BCKDHB: variants seen among roughly 807,000 people sequenced by gnomAD.
The protein encoded by BCKDHB is branched chain keto acid dehydrogenase E1 subunit beta, also known as 2-oxoisovalerate dehydrogenase subunit beta, mitochondrial.
BCKDHB carries 41 observed loss-of-function variants against 48.5 expected under a neutral mutation model. The observed-to-expected ratio is 0.85, with a 90% CI of 0.66 to 1.10. BCKDHB has a LOEUF of 1.10. Ranked by LOEUF, BCKDHB falls within the 50% of genes least tolerant of loss-of-function variation. The pLI, the probability that BCKDHB is intolerant of heterozygous loss-of-function variation, is 0.00. For synonymous variants in BCKDHB, 201 were observed against 174.8 expected (o/e 1.15, Z -1.18); for missense variants, 496 against 494.2 (o/e 1.00, Z -0.03).
chr6:80,339,711 C>G (rs770899375), intron 9 of BCKDHB, among the ~76,000 whole-genome samples: 52 of 152,180 alleles, frequency 3.4e-4, no homozygotes, highest in Non-Finnish European at 6.3e-4. Context: ...ATATCTTAGC[C>G]TACACCTTTC....
intron 1 of BCKDHB, among the ~76,000 whole-genome samples, chr6:80,122,629 G>A (rs919865329): frequency 2.6e-5 from 4 of 152,054 alleles, no homozygotes; most frequent in Admixed American, 6.6e-5. Context: ...AATTGGAGGG[G>A]GTTTAAAACA....
At chr6:80,193,456 C>A (rs763803964) in intron 6 of BCKDHB, among the ~76,000 whole-genome samples, 1 of 152,030 alleles carries the variant, frequency 6.6e-6, no homozygotes, top group Non-Finnish European at 1.5e-5. Flanking sequence ...TGATGGCTCA[C>A]GCCTGTAATC....
chr6:80,208,062 A>C (rs1375427498), intron 8 of BCKDHB, among the ~76,000 whole-genome samples: 2 of 151,812 alleles, frequency 1.3e-5, no homozygotes, highest in African/African-American at 2.4e-5. Flanking sequence ...CATTTGTCAA[A>C]ATTGGCCAAA....
chr6:80,288,615 G>A (rs1445180077), intron 9 of BCKDHB, among the ~76,000 whole-genome samples: 1 of 152,078 alleles, frequency 6.6e-6, no homozygotes, highest in Non-Finnish European at 1.5e-5. Context: ...TTTGCCAACT[G>A]TGTAGATACC....
At chr6:80,288,824 T>C (rs999929529) in intron 9 of BCKDHB, among the ~76,000 whole-genome samples, 3 of 152,156 alleles carry the variant, frequency 2.0e-5, no homozygotes, top group African/African-American at 7.2e-5. Flanking sequence ...TTTTCAGATA[T>C]TACTCTGAGA....
intron 9 of BCKDHB, among the ~76,000 whole-genome samples, chr6:80,310,706 C>T (rs1291472525): frequency 6.6e-6 from 1 of 152,134 alleles, no homozygotes; most frequent in African/African-American, 2.4e-5. Context: ...TGAATTTACA[C>T]TCCCACCAAC....
chr6:80,434,090 T>C, the BCKDHB span, among the ~76,000 whole-genome samples: 1 of 152,118 alleles, frequency 6.6e-6, no homozygotes, highest in Non-Finnish European at 1.5e-5. Flanking sequence ...TTTGGATAGT[T>C]TATATATGTA....
the BCKDHB span, among the ~76,000 whole-genome samples, chr6:80,459,197 C>T: frequency 2.0e-5 from 3 of 152,100 alleles, no homozygotes; most frequent in Non-Finnish European, 4.4e-5. Context: ...CACTGCAGCA[C>T]CATTCACAGT....
the BCKDHB span, among the ~76,000 whole-genome samples, chr6:80,371,834 G>T: frequency 2.0e-5 from 3 of 152,112 alleles, no homozygotes; most frequent in East Asian, 5.8e-4. Flanking sequence ...TGTTCCATTG[G>T]TCTATATACC....
At chr6:80,169,703 C>A in intron 5 of BCKDHB, 2 of 1,000,686 alleles carry the variant, frequency 2.0e-6, no homozygotes, top group South Asian at 1.9e-5. Context: ...TGTAGAAACC[C>A]ATAGATGTGT....
At chr6:80,378,077 G>A in the BCKDHB span, among the ~76,000 whole-genome samples, 2 of 152,038 alleles carry the variant, frequency 1.3e-5, no homozygotes, top group South Asian at 4.1e-4. Flanking sequence ...TTTTGATACT[G>A]TTGTAAATAA....
At chr6:80,261,608 T>C (rs1314171699) in intron 8 of BCKDHB, among the ~76,000 whole-genome samples, 1 of 152,106 alleles carries the variant, frequency 6.6e-6, no homozygotes, top group Non-Finnish European at 1.5e-5. Context: ...AATCCACCAC[T>C]ATCATGGGTC....
the BCKDHB span, among the ~76,000 whole-genome samples, chr6:80,444,413 T>C: frequency 6.6e-6 from 1 of 152,204 alleles, no homozygotes; most frequent in African/African-American, 2.4e-5. Context: ...TTCTTGATAC[T>C]TATTAAAATA....
chr6:80,153,688 T>C (rs1771903871), intron 3 of BCKDHB, among the ~76,000 whole-genome samples: 1 of 152,194 alleles, frequency 6.6e-6, no homozygotes, highest in South Asian at 2.1e-4. Flanking sequence ...ATACATCTTA[T>C]AAAATGCTTT....
chr6:80,295,329 A>G (rs954919432), intron 9 of BCKDHB, among the ~76,000 whole-genome samples: 1 of 152,172 alleles, frequency 6.6e-6, no homozygotes, highest in African/African-American at 2.4e-5. Flanking sequence ...CCTCATAATC[A>G]TGGCAGAAGA....
At chr6:80,355,397 C>G in the BCKDHB span, 1 of 19,438 alleles carries the variant, frequency 5.1e-5, no homozygotes. Flanking sequence ...GAGACTCTGT[C>G]TCAAAAAAAA....
chr6:80,182,408 G>A lies in BCKDHB; in HGVS notation c.742+11018G>A, dbSNP rs143207989. Among the ~76,000 whole-genome samples, 267 of 152,276 alleles carry A rather than the reference G, an allele frequency of 1.8e-3. 1 individual carries two copies. Among genetic ancestry groups the A allele is most frequent in the African/African-American group, 6.1e-3 (252 of 41,572 alleles). On this transcript the variant is annotated intron_variant, in intron 6 of 9. Coordinates refer to ENST00000320393, the MANE Select transcript of BCKDHB (RefSeq NM_183050.4). ...TTCACTTTTCAGGCTAAGTTTGACC[G>A]TAAGCAGATATCTATTTTTGATCAT...
intron 3 of BCKDHB, among the ~76,000 whole-genome samples, chr6:80,164,151 C>T (rs761924249): frequency 6.6e-6 from 1 of 152,148 alleles, no homozygotes; most frequent in Non-Finnish European, 1.5e-5. Flanking sequence ...GACTCGCTCT[C>T]ACAGTAAAAG....
At chr6:80,186,763 G>A (rs541185539) in intron 6 of BCKDHB, among the ~76,000 whole-genome samples, 4 of 152,324 alleles carry the variant, frequency 2.6e-5, no homozygotes, top group East Asian at 1.9e-4. Context: ...GGTTTGAGCC[G>A]GGAACTGGGA....
Sources: gnomAD v4.1 joint callset for allele counts (sites outside exome capture counted in the v4.1 genomes callset) on GRCh38, gnomAD v4.1.1 for gene constraint, MANE v1.5 for transcripts, NCBI Gene and HGNC (gene_info 2026-07-23, HGNC 2026-07-21) for gene names.